Variants in NELL1 observed in about 807,000 individuals in gnomAD.
The protein encoded by NELL1 is protein kinase C-binding protein NELL1.
In NELL1, 76 loss-of-function variants were observed where a neutral mutation model predicts 107.4. The observed-to-expected ratio is 0.71, with a 90% CI of 0.59 to 0.86. The LOEUF is 0.86. Ranked by LOEUF, NELL1 falls within the 40% of genes least tolerant of loss-of-function variation. The probability of loss-of-function intolerance (pLI) is 0.00; values close to 1 mark genes in which losing one functional copy is unlikely to be tolerated. For missense variants in NELL1, 1,024 were observed against 1,005.5 expected, an observed-to-expected ratio of 1.02 and a Z score of -0.25; for synonymous variants, 353 against 341.2, an observed-to-expected ratio of 1.03 and a Z score of -0.38.
At chr11:21,370,974 T>TA in intron 15 of NELL1, 26 bp downstream of exon 15, 1 of 1,522,014 alleles carries the variant, frequency 6.6e-7, no homozygotes, top group Non-Finnish European at 9.1e-7. Context: ...TTATGGGGGA[T>TA]AGGGACAAAG....
intron 15 of NELL1, among the ~76,000 whole-genome samples, chr11:21,379,353 T>G (rs968738849): frequency 1.3e-5 from 2 of 152,108 alleles, no homozygotes; most frequent in Non-Finnish European, 2.9e-5. Flanking sequence ...TCCTCCACAT[T>G]TGTTCAGAAA....
At chr11:20,692,358 G>A (rs1854490894) in intron 2 of NELL1, among the ~76,000 whole-genome samples, 1 of 151,808 alleles carries the variant, frequency 6.6e-6, no homozygotes, top group Non-Finnish European at 1.5e-5. Flanking sequence ...TGCTTCTCTA[G>A]TTCTTTTAAT....
intron 5 of NELL1, among the ~76,000 whole-genome samples, chr11:20,895,145 G>A (rs1175636480): frequency 1.4e-5 from 2 of 141,744 alleles, no homozygotes; most frequent in Non-Finnish European, 3.0e-5. Flanking sequence ...AGTGGCGGGC[G>A]CCTGTAGTCC....
intron 12 of NELL1, among the ~76,000 whole-genome samples, chr11:21,105,906 C>CCTT (rs1854955244): frequency 2.2e-5 from 2 of 89,410 alleles, no homozygotes; most frequent in African/African-American, 8.4e-5. Context: ...TTATTCTTCC[C>CCTT]CCTTCCTTCC....
chr11:21,487,112 A>G (rs1854653749), intron 15 of NELL1, among the ~76,000 whole-genome samples: 1 of 152,174 alleles, frequency 6.6e-6, no homozygotes, highest in Non-Finnish European at 1.5e-5. Flanking sequence ...ATATAGGAAG[A>G]TCAAAGATCA....
chr11:21,270,774 G>T (rs1848722734), intron 14 of NELL1, among the ~76,000 whole-genome samples: 1 of 151,902 alleles, frequency 6.6e-6, no homozygotes, highest in Admixed American at 6.6e-5. Context: ...CCATGTTCTG[G>T]GTCATAAAGC....
intron 14 of NELL1, among the ~76,000 whole-genome samples, chr11:21,337,740 CTTTCT>C (rs1353875997): frequency 1.6e-5 from 1 of 61,426 alleles, no homozygotes; most frequent in Admixed American, 1.6e-4. Flanking sequence ...TCTTTCCTTT[CTTTCT>C]TTCTTTCTTT....
intron 14 of NELL1, among the ~76,000 whole-genome samples, chr11:21,259,401 T>C (rs993498154): frequency 1.3e-5 from 2 of 151,924 alleles, no homozygotes; most frequent in African/African-American, 4.8e-5. Context: ...CTTTGCCAAA[T>C]GGATATGAGG....
At chr11:21,219,735 G>A (rs75279029) in intron 13 of NELL1, among the ~76,000 whole-genome samples, 6,470 of 152,234 alleles carry the variant, frequency 0.043, 203 homozygotes, top group Non-Finnish European at 0.06. Context: ...GGAAGAGGTT[G>A]TCCTTTCTCC....
intron 15 of NELL1, among the ~76,000 whole-genome samples, chr11:21,448,485 A>T (rs1334173808): frequency 6.6e-6 from 1 of 152,224 alleles, no homozygotes; most frequent in African/African-American, 2.4e-5. Flanking sequence ...GTGCTGCATA[A>T]TATAGATTAA....
intron 2 of NELL1, among the ~76,000 whole-genome samples, chr11:20,697,492 G>A (rs1281930781): frequency 2.0e-5 from 3 of 150,912 alleles, no homozygotes; most frequent in Non-Finnish European, 4.4e-5. Context: ...CTTTCAAGTA[G>A]CTTGTTTTAT....
rs1033816594 is a variant in NELL1, at chr11:21,171,241, A to G, written c.1426+57527A>G. Among the ~76,000 whole-genome samples the G allele has an allele frequency of 1.4e-4, 21 of 151,688 alleles. 1 individual carries two copies. Among genetic ancestry groups the G allele is most frequent in the African/African-American group, 5.1e-4 (21 of 41,062 alleles). ...CCATTTTAGCCCCATTGTTTTAGAT[A>G]TTTTTTCTTATCTCAAAAAATGAGT... On this transcript the variant is annotated intron_variant, in intron 13 of 19. Coordinates refer to ENST00000357134, the MANE Select transcript of NELL1 (RefSeq NM_006157.5).
intron 14 of NELL1, among the ~76,000 whole-genome samples, chr11:21,275,317 C>A (rs1269659575): frequency 1.3e-5 from 2 of 152,138 alleles, no homozygotes; most frequent in Non-Finnish European, 2.9e-5. Context: ...GGATAAATTC[C>A]TAGACACATA....
At chr11:21,121,714 C>T (rs1176459281) in intron 13 of NELL1, among the ~76,000 whole-genome samples, 1 of 152,108 alleles carries the variant, frequency 6.6e-6, no homozygotes, top group African/African-American at 2.4e-5. Flanking sequence ...TCATCACTTG[C>T]ACAAACACTT....
At chr11:21,211,114 A>G (rs1447003321) in intron 13 of NELL1, among the ~76,000 whole-genome samples, 1 of 152,202 alleles carries the variant, frequency 6.6e-6, no homozygotes, top group Non-Finnish European at 1.5e-5. Context: ...TTCATAATAC[A>G]CTAATAAATG....
chr11:21,385,158 C>T (rs1851710563), intron 15 of NELL1, among the ~76,000 whole-genome samples: 1 of 151,802 alleles, frequency 6.6e-6, no homozygotes, highest in African/African-American at 2.4e-5. Context: ...GAGCCTTTAT[C>T]ACTCTCTGAC....
chr11:20,956,375 G>A (rs776926875), intron 11 of NELL1, among the ~76,000 whole-genome samples: 15 of 152,222 alleles, frequency 9.9e-5, no homozygotes, highest in South Asian at 2.1e-4. Context: ...GGCTGGGTGC[G>A]GTGGCTCACG....
chr11:21,217,789 C>T (rs879734876), intron 13 of NELL1, among the ~76,000 whole-genome samples: 32 of 152,118 alleles, frequency 2.1e-4, no homozygotes, highest in Non-Finnish European at 4.3e-4. Flanking sequence ...GACCCCCAAA[C>T]GTGGGGCATT....
At chr11:20,737,756 A>G (rs997531819) in intron 2 of NELL1, among the ~76,000 whole-genome samples, 1 of 151,982 alleles carries the variant, frequency 6.6e-6, no homozygotes, top group Admixed American at 6.6e-5. Context: ...TCTACTATTA[A>G]CATTATTATT....
Sources: allele counts gnomAD v4.1 joint callset (sites outside exome capture counted in the v4.1 genomes callset), GRCh38; gene constraint gnomAD v4.1.1; transcripts MANE v1.5; gene names NCBI Gene and HGNC (gene_info 2026-07-23, HGNC 2026-07-21).